The following TUB variants were observed in gnomAD, a reference collection of about 807,000 sequenced individuals.
TUB encodes the protein tubby protein homolog.
TUB carries 33 observed loss-of-function variants against 59.7 expected under a neutral mutation model. The observed-to-expected ratio is 0.55, with a 90% CI of 0.42 to 0.74. The LOEUF (loss-of-function observed/expected upper bound fraction) is 0.74. TUB is among the 30% of genes least tolerant of loss of function. The pLI is 0.00. For synonymous variants in TUB, 293 were observed against 256.4 expected, an observed-to-expected ratio of 1.14 and a Z score of -1.36; for missense variants, 659 against 672.0, an observed-to-expected ratio of 0.98 and a Z score of 0.21.
At chr11:8,054,847 T>A (rs1250966947) in intron 2 of TUB, among the ~76,000 whole-genome samples, 1 of 152,190 alleles carries the variant, frequency 6.6e-6, no homozygotes, top group East Asian at 1.9e-4. Flanking sequence ...AAAGGGATGG[T>A]AGAGTAGCTC....
intron 7 of TUB, 138 bp from the exon 8 acceptor site, chr11:8,097,575 GT>G: frequency 7.5e-7 from 1 of 1,330,316 alleles, no homozygotes; most frequent in Non-Finnish European, 1.1e-6. Context: ...ACATCTTTGT[GT>G]TTTCCAGTGC....
At chr11:8,030,990 G>A (rs1039262775) in intron 1 of TUB, among the ~76,000 whole-genome samples, 3 of 152,134 alleles carry the variant, frequency 2.0e-5, no homozygotes, top group Non-Finnish European at 2.9e-5. Flanking sequence ...GTGTTATTTC[G>A]TCCTCTCCAT....
upstream of TUB, among the ~76,000 whole-genome samples, chr11:8,034,171 G>A (rs1942615237): frequency 6.6e-6 from 1 of 152,168 alleles, no homozygotes; most frequent in African/African-American, 2.4e-5. Flanking sequence ...CCAGACAGAG[G>A]ATTGGAGGGC....
At chr11:8,080,848 C>G (rs1052366020), upstream of TUB, among the ~76,000 whole-genome samples, 2 of 152,192 alleles carry the variant, frequency 1.3e-5, no homozygotes, top group African/African-American at 4.8e-5. Context: ...TCTTCCTGCA[C>G]GACTGGATTC....
intron 1 of TUB, among the ~76,000 whole-genome samples, chr11:8,088,862 A>T (rs1943715712): frequency 6.6e-6 from 1 of 152,166 alleles, no homozygotes; most frequent in Non-Finnish European, 1.5e-5. Context: ...CAAGAATTTG[A>T]TGTCCCCAGG....
In TUB at chr11:8,097,760, A is replaced by G. The variant is rs776338931; in HGVS notation, c.932A>G (p.Asn311Ser). 3 of 1,614,086 alleles carry G rather than the reference A, an allele frequency of 1.9e-6. No individual in the cohort carries two copies. Among genetic ancestry groups the G allele is most frequent in the Non-Finnish European group, 2.5e-6 (3 of 1,180,002 alleles). ...GRKRKKSKTS[N>S]YLISVDPTDL... is the part of the protein sequence containing the mutation. ...AAGAGAAAGAAGAGTAAAACTTCCA[A>G]TTACCTCATCTCTGTGGACCCAACA... is the stretch of plus-strand genomic sequence containing the variant. The change falls in exon 8 of 12, where the codon AAT (asparagine) becomes AGT (serine). Residue 311 changes from asparagine to serine, a missense_variant. Physicochemically the swap from Asn to Ser is conservative, Grantham distance 46. Coordinates refer to ENST00000299506, the MANE Select transcript of TUB (RefSeq NM_177972.3).
chr11:8,101,740 A>T lies in TUB; in HGVS notation c.*121A>T. The T allele has an allele frequency of 7.0e-7, 1 of 1,429,324 alleles. No homozygotes were observed. The highest frequency in any genetic ancestry group is 9.2e-7 in the Non-Finnish European group (1 of 1,086,264). 88.5% of individuals were successfully genotyped at this position (1,429,324 alleles called of 1,614,324 possible). On this transcript the variant is annotated 3_prime_UTR_variant, in exon 12 of 12. Coordinates refer to ENST00000299506, the MANE Select transcript of TUB (RefSeq NM_177972.3). ...TCCGCCAGATGAAGCTTTGGCCCTC[A>T]GTGGGCTCCCTGGCCCAGCCAGCCA... is the stretch of plus-strand genomic sequence containing the variant.
At chr11:8,066,183 C>T (rs528131125) in intron 2 of TUB, among the ~76,000 whole-genome samples, 1 of 152,302 alleles carries the variant, frequency 6.6e-6, no homozygotes, top group East Asian at 1.9e-4. Flanking sequence ...GTTCTCTCCT[C>T]TAGCCCAGGG....
chr11:8,033,677 G>A (rs960243593), upstream of TUB, among the ~76,000 whole-genome samples: 2 of 152,250 alleles, frequency 1.3e-5, no homozygotes, highest in Non-Finnish European at 2.9e-5. Flanking sequence ...GGCCTGGCAC[G>A]GCAGAGATGG....
chr11:8,095,456 T>C lies in TUB; in HGVS notation c.398-42T>C, dbSNP rs750051666. Reference sequence around the variant, plus strand: ...ACGTCTGAGAATCCAGGCCCTCCTCTCCTCCTCCTGGATGTAACTCAGGCG... The same window carrying C: ...ACGTCTGAGAATCCAGGCCCTCCTCCCCTCCTCCTGGATGTAACTCAGGCG... On this transcript the variant is annotated intron_variant, in intron 4 of 11. Transcript: ENST00000299506. 6 of 1,567,546 alleles carry C rather than the reference T, an allele frequency of 3.8e-6. No homozygotes were observed. The East Asian group carries it at 1.4e-4, about 36-fold the overall frequency.
In TUB at chr11:8,039,675, A is replaced by T. The variant is rs755575998; in HGVS notation, c.186A>T (p.Glu62Asp). The T allele has an allele frequency of 9.1e-6, 14 of 1,541,034 alleles. No individual in the cohort carries two copies. In the Admixed American group the frequency reaches 2.7e-4, roughly 30 times the overall value. ...CAACCAGGAGGAAGTACTGGAAGGAAGGAAGGGAGATCGCTCGGTGAGCTG... is the reference window on the plus strand; with the variant it reads ...CAACCAGGAGGAAGTACTGGAAGGATGGAAGGGAGATCGCTCGGTGAGCTG... The change falls in exon 2 of 13, where the codon GAA becomes GAT. Residue 62 changes from glutamate to aspartate, a missense_variant. Glu to Asp is a conservative substitution (Grantham distance 45). Transcript: ENST00000305253.
intron 1 of TUB, among the ~76,000 whole-genome samples, chr11:8,088,597 G>A (rs1258139498): frequency 6.6e-6 from 1 of 152,214 alleles, no homozygotes; most frequent in African/African-American, 2.4e-5. Flanking sequence ...CTGGTTCAGG[G>A]GCAGCTTCAG....
In TUB at chr11:8,095,578, G is replaced by A; in HGVS notation, c.478G>A (p.Asp160Asn). 1 of 1,613,264 alleles carries A rather than the reference G, an allele frequency of 6.2e-7. No homozygotes were observed. The highest frequency in any genetic ancestry group is 8.5e-7 in the Non-Finnish European group (1 of 1,179,976). ...PVQILTVGQS[D>N]HAQDAGETAA... is the part of the protein sequence containing the mutation. ...GCAGATTCTGACTGTGGGCCAGTCAGACCACGCCCAGGACGCAGGGGAGAC... is the reference window on the plus strand; with the variant it reads ...GCAGATTCTGACTGTGGGCCAGTCAAACCACGCCCAGGACGCAGGGGAGAC... Residue 160 changes from aspartate (D) to asparagine (N), a missense_variant, in exon 5 of 12, where the codon GAC (aspartate) becomes AAC (asparagine). This residue lies in a region of TUB where 321 missense variants were observed against 304.3 expected (regional missense o/e 1.05). Coordinates refer to ENST00000299506, the MANE Select transcript of TUB (RefSeq NM_177972.3).
upstream of TUB, among the ~76,000 whole-genome samples, chr11:8,036,401 C>T (rs1247920187): frequency 6.6e-6 from 1 of 152,186 alleles, no homozygotes; most frequent in African/African-American, 2.4e-5. Context: ...CTTAAATTCC[C>T]CTCTCTGAGT....
rs1301456984 is a variant in TUB, at chr11:8,105,985, A to ATTGTCTTTTCCTATT, written c.*4370_*4384dup. 1 of 151,936 alleles carries ATTGTCTTTTCCTATT rather than the reference A, an allele frequency of 6.6e-6. No homozygotes were observed. Among genetic ancestry groups the ATTGTCTTTTCCTATT allele is most frequent in the African/African-American group, 2.4e-5 (1 of 41,442 alleles). 9.4% of individuals were successfully genotyped at this position (151,936 alleles called of 1,614,324 possible). A position where few individuals can be genotyped will look rare whatever the true frequency, so the allele number is the denominator to read the frequency against. Reference sequence around the variant, plus strand: ...GACTGTGTATGTCTATTTGCACAAGATTGTCTTTTCCTATTTTGGAGTGGT... The same window carrying ATTGTCTTTTCCTATT: ...GACTGTGTATGTCTATTTGCACAAGATTGTCTTTTCCTATTTTGTCTTTTCCTATTTTGGAGTGGT... On this transcript the variant is annotated 3_prime_UTR_variant, in exon 12 of 12. Coordinates refer to ENST00000299506, the MANE Select transcript of TUB (RefSeq NM_177972.3).
At chr11:8,019,312 G>A (rs1942382585) in exon 1 of TUB, 1 of 1,279,046 alleles carries the variant, frequency 7.8e-7, no homozygotes, top group East Asian at 3.1e-5. Context: ...GATGGAGGGA[G>A]TCAGCAGCCA....
At chr11:8,056,173 C>T (rs747543326) in intron 2 of TUB, among the ~76,000 whole-genome samples, 1 of 152,214 alleles carries the variant, frequency 6.6e-6, no homozygotes, top group Non-Finnish European at 1.5e-5. Flanking sequence ...CAAGCCAGGG[C>T]CTGACCTCCA....
intron 2 of TUB, among the ~76,000 whole-genome samples, chr11:8,073,816 C>G (rs1206926737): frequency 6.6e-6 from 1 of 152,234 alleles, no homozygotes; most frequent in Non-Finnish European, 1.5e-5. Context: ...CAGAACCTTC[C>G]CCGGGTCAGA....
At chr11:8,044,112 T>C (rs1942793174) in intron 2 of TUB, among the ~76,000 whole-genome samples, 1 of 152,192 alleles carries the variant, frequency 6.6e-6, no homozygotes, top group Admixed American at 6.5e-5. Context: ...CTTGGATATA[T>C]GGGTATATGG....
Sources: gnomAD v4.1 joint callset for allele counts (sites outside exome capture counted in the v4.1 genomes callset) on GRCh38, gnomAD v4.1.1 for gene constraint, gnomAD v4.1.1 regional missense constraint, MANE v1.5 for transcripts, NCBI Gene and HGNC (gene_info 2026-07-23, HGNC 2026-07-21) for gene names.